The following NTRK1 variants were observed in gnomAD, a reference collection of about 807,000 sequenced individuals.
NTRK1 encodes high affinity nerve growth factor receptor.
A neutral mutation model predicts 86.8 loss-of-function variants in NTRK1; 62 were observed. That is an observed-to-expected ratio of 0.71 (90% CI 0.58 to 0.88). The LOEUF is 0.88. Ranked by LOEUF, NTRK1 falls within the 40% of genes least tolerant of loss-of-function variation. The pLI is 0.00. For synonymous variants in NTRK1, 469 were observed against 456.6 expected, an observed-to-expected ratio of 1.03 and a Z score of -0.35; for missense variants, 967 against 1,078.4, an observed-to-expected ratio of 0.90 and a Z score of 1.45.
intron 1 of NTRK1, among the ~76,000 whole-genome samples, chr1:156,836,560 C>G (rs1298036603): frequency 1.3e-5 from 2 of 152,090 alleles, no homozygotes; most frequent in Admixed American, 6.5e-5. Context: ...ACTTTTTGGT[C>G]CTGGAACTTC....
intron 1 of NTRK1, chr1:156,841,987 G>A: frequency 6.4e-7 from 1 of 1,557,056 alleles, no homozygotes; most frequent in Admixed American, 1.8e-5. Flanking sequence ...TAAGATACAG[G>A]GTGGGGGTGA....
chr1:156,879,339 A>G lies in NTRK1; in HGVS notation c.2023A>G (p.Ile675Val), dbSNP rs2102925203. 1.2e-6 allele frequency: 2 copies of G among 1,608,926 alleles called. No individual in the cohort carries two copies. Among genetic ancestry groups the G allele is most frequent in the South Asian group, 1.1e-5 (1 of 91,056 alleles). ...TGGTGATTTTGGCATGAGCAGGGAT[A>G]TCTACAGCACCGACTATTACCGTGT... ...KIGDFGMSRDIYSTDYYRVGG... is the reference protein window; with the variant it reads ...KIGDFGMSRDVYSTDYYRVGG... The change falls in exon 15 of 17, where the codon ATC becomes GTC. Residue 675 changes from isoleucine to valine, a missense_variant. This residue lies in a region of NTRK1 where 637 missense variants were observed against 776.5 expected (regional missense o/e 0.82). Coordinates refer to ENST00000524377, the MANE Select transcript of NTRK1 (RefSeq NM_002529.4).
At chr1:156,818,642 A>G (rs532806431) in intron 1 of NTRK1, among the ~76,000 whole-genome samples, 1 of 152,268 alleles carries the variant, frequency 6.6e-6, no homozygotes, top group South Asian at 2.1e-4. Context: ...AGATACTGCA[A>G]AAGACATTAT....
Position 156,864,794 on chromosome 1 carries a change from T to C in NTRK1, c.354T>C (p.Ser118=). ...PDAFHFTPRL[S]RLNLSFNALE... ...CCTTCCATTTCACTCCTCGGCTCAG[T>C]CGCCTGTGAGTGTGGCCAGTGCTGG... Residue 118 remains serine, a synonymous_variant, in exon 3 of 17, where the codon AGT becomes AGC. Coordinates refer to ENST00000524377, the MANE Select transcript of NTRK1 (RefSeq NM_002529.4). 1 of 1,613,578 alleles carries C rather than the reference T, an allele frequency of 6.2e-7. No homozygotes were observed. Among genetic ancestry groups the C allele is most frequent in the Non-Finnish European group, 8.5e-7 (1 of 1,179,892 alleles).
intron 2 of NTRK1, chr1:156,849,366 A>C: frequency 6.2e-7 from 1 of 1,613,810 alleles, no homozygotes; most frequent in Non-Finnish European, 8.5e-7. Context: ...TTGAAGGCGA[A>C]GTAGATCTTG....
chr1:156,842,608 C>A (rs935805417), intron 2 of NTRK1: 2 of 832,734 alleles, frequency 2.4e-6, no homozygotes, highest in Admixed American at 2.1e-5. Flanking sequence ...AGACACCAAA[C>A]CTGACCCTAA....
intron 1 of NTRK1, chr1:156,816,693 C>G (rs779185415): frequency 2.0e-5 from 32 of 1,600,568 alleles, no homozygotes; most frequent in Non-Finnish European, 2.6e-5. Context: ...CATATCTGGG[C>G]CAGGGGGAAC....
Position 156,854,028 on chromosome 1 carries a change from G to T in NTRK1, c.51-10326G>T. 1 of 1,614,038 alleles carries T rather than the reference G, an allele frequency of 6.2e-7. No homozygotes were observed. The highest frequency in any genetic ancestry group is 8.5e-7 in the Non-Finnish European group (1 of 1,180,000). On this transcript the variant is annotated intron_variant, in intron 2 of 16. Transcript: ENST00000392302. This position sits in a 1 kb window ranked among gnomAD's most constrained non-coding sequence, Gnocchi z 4.2. ...GGCAGTGCCACGTCACGCAGATGTG[G>T]CATCTCAAAGATGACCAGTGCATAG...
chr1:156,851,595 G>A, intron 2 of NTRK1: 1 of 1,613,402 alleles, frequency 6.2e-7, no homozygotes, highest in Non-Finnish European at 8.5e-7. Flanking sequence ...TTGTGTCTGG[G>A]AGGAAGGGTA....
At chr1:156,867,086 G>T in intron 4 of NTRK1, 108 bp downstream of exon 4, 1 of 1,188,034 alleles carries the variant, frequency 8.4e-7, no homozygotes, top group East Asian at 2.3e-5. Context: ...ACACTGCTGG[G>T]GGGTCTCTTT....
chr1:156,876,888 T>C (rs973162234), intron 14 of NTRK1, among the ~76,000 whole-genome samples: 3 of 152,226 alleles, frequency 2.0e-5, no homozygotes, highest in African/African-American at 7.2e-5. Flanking sequence ...AGGCCAGGCC[T>C]GTAAGGGTAG....
chr1:156,841,286 G>T, intron 1 of NTRK1: 1 of 1,133,298 alleles, frequency 8.8e-7, no homozygotes, highest in Non-Finnish European at 1.3e-6. Flanking sequence ...ATAGCTGAGG[G>T]TCAGTGGATG....
intron 6 of NTRK1, among the ~76,000 whole-genome samples, chr1:156,869,200 C>G (rs1647398525): frequency 6.6e-6 from 1 of 152,252 alleles, no homozygotes; most frequent in African/African-American, 2.4e-5. Context: ...CTGCCTCAGC[C>G]TCCCGAGTAG....
chr1:156,842,640 G>A, intron 2 of NTRK1: 2 of 667,696 alleles, frequency 3.0e-6, no homozygotes, highest in Admixed American at 2.4e-5. Flanking sequence ...ACTATAACCT[G>A]ACTCCTGACC....
intron 1 of NTRK1, among the ~76,000 whole-genome samples, chr1:156,819,866 G>A (rs1654135909): frequency 6.6e-6 from 1 of 152,142 alleles, no homozygotes; most frequent in Non-Finnish European, 1.5e-5. Context: ...GAGATTCTGG[G>A]CACTGGGTGT....
At chr1:156,858,398 A>G, upstream of NTRK1, 1 of 677,206 alleles carries the variant, frequency 1.5e-6, no homozygotes, top group East Asian at 2.7e-5. Flanking sequence ...CCTGCTGGGC[A>G]GTTCTCCTGA....
intron 2 of NTRK1, chr1:156,851,975 G>T: frequency 1.2e-6 from 2 of 1,609,186 alleles, no homozygotes; most frequent in Non-Finnish European, 1.7e-6. Flanking sequence ...GCCGGGCACA[G>T]AGTGCAGGCT....
At chr1:156,834,550 T>A (rs1245383856) in intron 1 of NTRK1, among the ~76,000 whole-genome samples, 2 of 152,172 alleles carry the variant, frequency 1.3e-5, no homozygotes, top group African/African-American at 4.8e-5. Flanking sequence ...AGTAACTGGC[T>A]GTGTGATCTT....
At chr1:156,851,243 G>C in intron 2 of NTRK1, 1 of 1,609,686 alleles carries the variant, frequency 6.2e-7, no homozygotes, top group Non-Finnish European at 8.5e-7. Context: ...GGGAGTGTTG[G>C]AGGAAGGAGT....
Sources: allele counts gnomAD v4.1 joint callset (sites outside exome capture counted in the v4.1 genomes callset), GRCh38; gene constraint gnomAD v4.1.1; regional missense constraint gnomAD v4.1.1; non-coding constraint Gnocchi (gnomAD v3.1); transcripts MANE v1.5; gene names NCBI Gene and HGNC (gene_info 2026-07-23, HGNC 2026-07-21).